Variants in SLC9A9 observed in about 807,000 individuals in gnomAD.
SLC9A9 encodes sodium/hydrogen exchanger 9.
In SLC9A9, 62 loss-of-function variants were observed where a neutral mutation model predicts 77.8. The observed-to-expected ratio is 0.80, with a 90% confidence interval of 0.65 to 0.98. SLC9A9 has a LOEUF of 0.98. Ranked by LOEUF, SLC9A9 falls within the 50% of genes least tolerant of loss-of-function variation. The pLI, the probability that SLC9A9 is intolerant of heterozygous loss-of-function variation, is 0.00. For missense variants in SLC9A9, 775 were observed against 774.9 expected (o/e 1.00, Z 0.00); for synonymous variants, 320 against 283.5 (o/e 1.13, Z -1.29).
intron 1 of SLC9A9, among the ~76,000 whole-genome samples, chr3:143,835,492 A>G (rs2009545945): frequency 6.6e-6 from 1 of 152,234 alleles, no homozygotes; most frequent in Admixed American, 6.5e-5. Flanking sequence ...GAGCCTCATA[A>G]TGCTTTTTAT....
At chr3:143,468,446 CCTT>C (rs2035321984) in intron 11 of SLC9A9, among the ~76,000 whole-genome samples, 1 of 152,194 alleles carries the variant, frequency 6.6e-6, no homozygotes, top group African/African-American at 2.4e-5. Context: ...ATGTGTCTGT[CCTT>C]CTTCTAATAG....
intron 12 of SLC9A9, among the ~76,000 whole-genome samples, chr3:143,400,929 C>T (rs116443488): frequency 1.3e-5 from 2 of 152,006 alleles, no homozygotes; most frequent in Admixed American, 6.6e-5. Flanking sequence ...TTGCCTCCCC[C>T]AGTCCTGATC....
At chr3:143,847,013 G>A (rs754855686) in intron 1 of SLC9A9, among the ~76,000 whole-genome samples, 11 of 152,032 alleles carry the variant, frequency 7.2e-5, no homozygotes, top group African/African-American at 1.9e-4. Flanking sequence ...TGAAACTTCC[G>A]CCTTATAGCT....
At chr3:143,739,863 G>A (rs556342788) in intron 4 of SLC9A9, among the ~76,000 whole-genome samples, 2 of 152,164 alleles carry the variant, frequency 1.3e-5, no homozygotes, top group African/African-American at 4.8e-5. Flanking sequence ...TGAATTTGAA[G>A]TTACTTACTG....
intron 14 of SLC9A9, among the ~76,000 whole-genome samples, chr3:143,284,585 T>C (rs1254306242): frequency 2.6e-5 from 4 of 151,972 alleles, no homozygotes; most frequent in East Asian, 1.9e-4. Flanking sequence ...AAATATAATA[T>C]AATATAATAC....
At chr3:143,720,942 C>T (rs1934481898) in intron 4 of SLC9A9, among the ~76,000 whole-genome samples, 1 of 152,168 alleles carries the variant, frequency 6.6e-6, no homozygotes, top group Non-Finnish European at 1.5e-5. Context: ...AGAACAAAGT[C>T]CAAGGCCTGC....
intron 4 of SLC9A9, among the ~76,000 whole-genome samples, chr3:143,780,141 G>A (rs1200357268): frequency 6.6e-6 from 1 of 152,212 alleles, no homozygotes; most frequent in Non-Finnish European, 1.5e-5. Flanking sequence ...TCACAATCAT[G>A]TAAGCAATTT....
At chr3:143,519,407 A>C (rs2036258421) in intron 9 of SLC9A9, among the ~76,000 whole-genome samples, 1 of 152,200 alleles carries the variant, frequency 6.6e-6, no homozygotes, top group African/African-American at 2.4e-5. Context: ...CCTGAGAAAC[A>C]TCAAGGAACC....
rs557399934 is a variant in SLC9A9 at position 143,750,191 on chromosome 3, A to G, written c.533+44810T>C. ...TAAATTCCCGTGGAAGAGGAAGACA[A>G]TGCACCAAAAGGGCCTTACAATTCT... On this transcript the variant is annotated intron_variant, in intron 4 of 15. Coordinates refer to ENST00000316549, the MANE Select transcript of SLC9A9 (RefSeq NM_173653.4). 3.2e-4 allele frequency among the ~76,000 whole-genome samples: 49 copies of G among 152,352 alleles called. 1 individual carries two copies. In the South Asian group the frequency reaches 7.3e-3, roughly 23 times the overall value.
chr3:143,300,774 G>C (rs1016385433), intron 14 of SLC9A9, among the ~76,000 whole-genome samples: 1 of 152,214 alleles, frequency 6.6e-6, no homozygotes, highest in African/African-American at 2.4e-5. Context: ...CAGCAGCCAA[G>C]TTGGAGTACC....
intron 14 of SLC9A9, among the ~76,000 whole-genome samples, chr3:143,292,501 T>C (rs1012334892): frequency 3.9e-5 from 6 of 152,060 alleles, no homozygotes; most frequent in African/African-American, 7.2e-5. Flanking sequence ...TTTTTCGCGA[T>C]GTCCTATATC....
intron 5 of SLC9A9, among the ~76,000 whole-genome samples, chr3:143,688,073 CTTTA>C (rs1933331612): frequency 5.3e-5 from 8 of 151,110 alleles, no homozygotes; most frequent in Admixed American, 4.6e-4. Flanking sequence ...TCCCTCCCTT[CTTTA>C]TTTCTTTTTC....
intron 12 of SLC9A9, among the ~76,000 whole-genome samples, chr3:143,414,153 G>T (rs1218621038): frequency 6.6e-6 from 1 of 152,116 alleles, no homozygotes; most frequent in African/African-American, 2.4e-5. Context: ...CACAATTCCT[G>T]TCACTTGTGT....
At chr3:143,294,226 G>A (rs570513575) in intron 14 of SLC9A9, among the ~76,000 whole-genome samples, 4 of 152,022 alleles carry the variant, frequency 2.6e-5, no homozygotes, top group Non-Finnish European at 5.9e-5. Flanking sequence ...AAAACTAAAC[G>A]AAACTAAACC....
chr3:143,414,845 G>A (rs1202143801), intron 12 of SLC9A9, among the ~76,000 whole-genome samples: 2 of 152,198 alleles, frequency 1.3e-5, no homozygotes, highest in East Asian at 1.9e-4. Flanking sequence ...TAAGCTTAGC[G>A]AGGAAGGCAT....
intron 6 of SLC9A9, among the ~76,000 whole-genome samples, chr3:143,637,768 C>G (rs2038549926): frequency 6.6e-6 from 1 of 152,142 alleles, no homozygotes; most frequent in East Asian, 1.9e-4. Flanking sequence ...AAGAGGTTGA[C>G]TGACTTGCTC....
chr3:143,621,326 G>A (rs896608962), intron 6 of SLC9A9, among the ~76,000 whole-genome samples: 3 of 152,216 alleles, frequency 2.0e-5, no homozygotes, highest in Non-Finnish European at 4.4e-5. Context: ...CCTCAAGTGG[G>A]TCCCTGACCC....
intron 5 of SLC9A9, among the ~76,000 whole-genome samples, chr3:143,680,034 A>G (rs1933034614): frequency 6.6e-6 from 1 of 152,174 alleles, no homozygotes; most frequent in African/African-American, 2.4e-5. Flanking sequence ...TGAAGAGATA[A>G]AAGTACAATT....
chr3:143,615,509 C>T (rs758045492), intron 6 of SLC9A9, among the ~76,000 whole-genome samples: 15 of 152,016 alleles, frequency 9.9e-5, no homozygotes, highest in Non-Finnish European at 1.3e-4. Context: ...AGAGCGCTGG[C>T]GAAACAAACT....
Sources: gnomAD v4.1 joint callset for allele counts (sites outside exome capture counted in the v4.1 genomes callset) on GRCh38, gnomAD v4.1.1 for gene constraint, MANE v1.5 for transcripts, NCBI Gene and HGNC (gene_info 2026-07-23, HGNC 2026-07-21) for gene names.